MAPK10: variants seen among roughly 807,000 people sequenced by gnomAD.
MAPK10 encodes the protein mitogen-activated protein kinase 10.
A neutral mutation model predicts 59.3 loss-of-function variants in MAPK10; 25 were observed. The ratio of observed to expected loss-of-function variants is 0.42; its 90% CI spans 0.31 to 0.59. The LOEUF (loss-of-function observed/expected upper bound fraction) is 0.59. Ranked by LOEUF, MAPK10 falls within the 20% of genes least tolerant of loss-of-function variation. MAPK10 has a pLI of 0.15. For missense variants in MAPK10, 351 were observed against 568.9 expected (o/e 0.62, Z 3.90); for synonymous variants, 190 against 200.5 (o/e 0.95, Z 0.44).
intron 9 of MAPK10, among the ~76,000 whole-genome samples, chr4:86,073,798 A>C (rs1159150650): frequency 9.4e-6 from 1 of 106,064 alleles, no homozygotes; most frequent in East Asian, 2.4e-4. Flanking sequence ...TTTGCTGAGG[A>C]GAGCTTTACT....
chr4:86,494,617 G>A (rs1029927090), intron 1 of MAPK10, among the ~76,000 whole-genome samples: 12 of 151,770 alleles, frequency 7.9e-5, no homozygotes, highest in African/African-American at 2.2e-4. Flanking sequence ...AGGCTGAGGC[G>A]GGCGGATCAC....
chr4:86,550,299 T>A (rs1197919762), intron 1 of MAPK10, among the ~76,000 whole-genome samples: 1 of 148,492 alleles, frequency 6.7e-6, no homozygotes, highest in Non-Finnish European at 1.5e-5. Context: ...CAGGGCTAAT[T>A]TGGCATTCAG....
chr4:86,283,666 T>A (rs1405694693), intron 2 of MAPK10, among the ~76,000 whole-genome samples: 1 of 152,026 alleles, frequency 6.6e-6, no homozygotes, highest in African/African-American at 2.4e-5. Context: ...CAAAAGGGAG[T>A]GTTCATCAGG....
At chr4:86,184,858 C>A (rs2077791721) in intron 3 of MAPK10, among the ~76,000 whole-genome samples, 1 of 152,100 alleles carries the variant, frequency 6.6e-6, no homozygotes, top group Non-Finnish European at 1.5e-5. Context: ...AATTACCCAG[C>A]CTCAAGTATT....
At chr4:86,569,260 T>C (rs1213634971) in intron 1 of MAPK10, among the ~76,000 whole-genome samples, 1 of 152,064 alleles carries the variant, frequency 6.6e-6, no homozygotes, top group Admixed American at 6.6e-5. Flanking sequence ...TATCACCTTA[T>C]ACTAGTCAGA....
intron 1 of MAPK10, among the ~76,000 whole-genome samples, chr4:86,420,170 G>A (rs1464460956): frequency 6.6e-6 from 1 of 152,194 alleles, no homozygotes; most frequent in Non-Finnish European, 1.5e-5. Flanking sequence ...TCACTTGAGA[G>A]GTAGTAAGTT....
At chr4:86,366,786 C>T (rs945236455) in intron 1 of MAPK10, among the ~76,000 whole-genome samples, 2 of 152,154 alleles carry the variant, frequency 1.3e-5, no homozygotes, top group Non-Finnish European at 2.9e-5. Context: ...GAATCCAATT[C>T]TCAAGTGAAT....
chr4:86,523,132 T>TTTA (rs1233332713), intron 1 of MAPK10, among the ~76,000 whole-genome samples: 1 of 152,226 alleles, frequency 6.6e-6, no homozygotes, highest in Non-Finnish European at 1.5e-5. Flanking sequence ...TATTAATACC[T>TTTA]TTATTATTAT....
intron 2 of MAPK10, among the ~76,000 whole-genome samples, chr4:86,223,071 C>T (rs1370091304): frequency 6.6e-6 from 1 of 152,208 alleles, no homozygotes; most frequent in Non-Finnish European, 1.5e-5. Context: ...TACCCACATG[C>T]TCAACATCTT....
At position 86,017,151 on chromosome 4, in the gene MAPK10, G is replaced by T; in HGVS notation, c.*77C>A. The T allele has an allele frequency of 7.0e-7, 1 of 1,435,856 alleles. No individual in the cohort carries two copies. Among genetic ancestry groups the T allele is most frequent in the Non-Finnish European group, 9.6e-7 (1 of 1,037,000 alleles). 88.9% of individuals were successfully genotyped at this position (1,435,856 alleles called of 1,614,324 possible). On this transcript the variant is annotated 3_prime_UTR_variant, in exon 14 of 14. Transcript: ENST00000641462. The surrounding 1 kb of genome is among the most constrained non-coding windows in gnomAD (Gnocchi z 4.4). ...ATGTTGTGTGTCTGCATTTGTGTGT[G>T]TGTGTGTGTCTGCGTGTGTGTGTGT...
intron 2 of MAPK10, among the ~76,000 whole-genome samples, chr4:86,206,637 G>C (rs1427224980): frequency 6.6e-6 from 1 of 152,202 alleles, no homozygotes; most frequent in Non-Finnish European, 1.5e-5. Flanking sequence ...TTCCACAAGG[G>C]TTGAACTAGT....
At chr4:86,556,280 C>T (rs1760260667) in intron 1 of MAPK10, among the ~76,000 whole-genome samples, 1 of 152,112 alleles carries the variant, frequency 6.6e-6, no homozygotes, top group Non-Finnish European at 1.5e-5. Flanking sequence ...AAATCAAATT[C>T]CCTGAGGACA....
chr4:86,033,522 A>G (rs943230449), intron 11 of MAPK10, among the ~76,000 whole-genome samples: 1 of 152,186 alleles, frequency 6.6e-6, no homozygotes, highest in Admixed American at 6.5e-5. Flanking sequence ...CATAAATGCC[A>G]TTTTCTTTTT....
intron 1 of MAPK10, among the ~76,000 whole-genome samples, chr4:86,573,643 G>C (rs1761634373): frequency 6.6e-6 from 1 of 152,112 alleles, no homozygotes; most frequent in Non-Finnish European, 1.5e-5. Context: ...CTTATATCTT[G>C]ATTGAAATTG....
At chr4:86,393,108 G>T (rs1742454252) in intron 1 of MAPK10, among the ~76,000 whole-genome samples, 1 of 152,202 alleles carries the variant, frequency 6.6e-6, no homozygotes, top group African/African-American at 2.4e-5. Flanking sequence ...AATGCTTTAT[G>T]TGGAGATCAA....
chr4:86,252,349 A>G (rs1346006311), intron 2 of MAPK10, among the ~76,000 whole-genome samples: 2 of 109,878 alleles, frequency 1.8e-5, no homozygotes, highest in Non-Finnish European at 3.4e-5. Context: ...TGATTTTTGT[A>G]TAAGGTGTAA....
At chr4:86,242,483 G>A (rs560747426) in intron 2 of MAPK10, among the ~76,000 whole-genome samples, 16 of 152,206 alleles carry the variant, frequency 1.1e-4, no homozygotes, top group Non-Finnish European at 2.2e-4. Context: ...GACTGCAGCC[G>A]CCCCTCCCGC....
intron 1 of MAPK10, among the ~76,000 whole-genome samples, chr4:86,495,877 C>T (rs141279883): frequency 0.013 from 1,960 of 152,180 alleles, 11 homozygotes; most frequent in African/African-American, 0.015. Context: ...GAGTCATCAT[C>T]GGATCCAGGC....
At chr4:86,353,917 C>T (rs1235392206) in intron 2 of MAPK10, among the ~76,000 whole-genome samples, 1 of 152,146 alleles carries the variant, frequency 6.6e-6, no homozygotes, top group African/African-American at 2.4e-5. Flanking sequence ...TTTAAAAAGA[C>T]ATTCTACCTG....
Sources: gnomAD v4.1 joint callset for allele counts (sites outside exome capture counted in the v4.1 genomes callset) on GRCh38, gnomAD v4.1.1 for gene constraint, Gnocchi (gnomAD v3.1) non-coding constraint, MANE v1.5 for transcripts, NCBI Gene and HGNC (gene_info 2026-07-23, HGNC 2026-07-21) for gene names.